The following AFF2 variants were observed in gnomAD, a reference collection of about 807,000 sequenced individuals.
AFF2 encodes ALF transcription elongation factor 2.
AFF2 carries 14 observed loss-of-function variants against 76.9 expected under a neutral mutation model. The ratio of observed to expected loss-of-function variants is 0.18; its 90% CI spans 0.12 to 0.28. The LOEUF is 0.28. Among genes scored for constraint, AFF2 ranks in the 10% least tolerant of loss-of-function variants. The pLI is 1.00. For synonymous variants in AFF2, 398 were observed against 366.7 expected, an observed-to-expected ratio of 1.09 and a Z score of -0.98; for missense variants, 868 against 1,001.1, an observed-to-expected ratio of 0.87 and a Z score of 1.79.
intron 3 of AFF2, among the ~76,000 whole-genome samples, chrX:148,722,523 C>T (rs1396374914): frequency 1.3e-4 from 14 of 110,593 alleles, no homozygotes; most frequent in African/African-American, 4.6e-4. Flanking sequence ...TCACTGTAGG[C>T]TGTCAAGCTG....
chrX:148,853,791 A>C (rs1389287284), intron 7 of AFF2, among the ~76,000 whole-genome samples: 1 of 111,567 alleles, frequency 9.0e-6, no homozygotes, highest in African/African-American at 3.3e-5. Context: ...TATGTGTGCC[A>C]CTCCTCTCCT....
chrX:148,794,741 G>A (rs2069944432), intron 3 of AFF2, among the ~76,000 whole-genome samples: 1 of 111,300 alleles, frequency 9.0e-6, no homozygotes, highest in Admixed American at 9.6e-5. Flanking sequence ...CATATAACAG[G>A]GATAAATAAT....
At chrX:148,555,170 C>T (rs1452204555) in intron 1 of AFF2, among the ~76,000 whole-genome samples, 20 of 111,865 alleles carry the variant, frequency 1.8e-4, no homozygotes, top group Admixed American at 1.5e-3. Context: ...GTCTCCTGGC[C>T]CCTGACACTC....
intron 9 of AFF2, among the ~76,000 whole-genome samples, chrX:148,913,963 T>C (rs2071498905): frequency 8.9e-6 from 1 of 112,601 alleles, no homozygotes; most frequent in Non-Finnish European, 1.9e-5. Flanking sequence ...ATGATGTCCC[T>C]ACTATGTGCC....
intron 3 of AFF2, among the ~76,000 whole-genome samples, chrX:148,773,321 A>G (rs1239931878): frequency 9.0e-6 from 1 of 110,946 alleles, no homozygotes; most frequent in African/African-American, 3.3e-5. Context: ...AGTAATAATT[A>G]GTGCAGGGAG....
chrX:148,619,508 A>AG (rs781999261), intron 1 of AFF2, among the ~76,000 whole-genome samples: 50 of 112,439 alleles, frequency 4.4e-4, no homozygotes, highest in Non-Finnish European at 8.1e-4. Context: ...AAATAGATTG[A>AG]GAAAAAGTGG....
rs1557252125 is a variant in AFF2, at chrX:148,626,459, G to A, written c.48-25540G>A. On this transcript the variant is annotated intron_variant, in intron 1 of 20. Coordinates refer to ENST00000370460, the MANE Select transcript of AFF2 (RefSeq NM_002025.4). ...GATATTAAAGACAAAGAGGTTAGAT[G>A]ATAGGATTTCTGAGATGAAAGGGGG... Among the ~76,000 whole-genome samples the A allele has an allele frequency of 2.7e-5, 3 of 110,852 alleles. No individual in the cohort carries two copies. In the Admixed American group the frequency reaches 2.9e-4, roughly 11 times the overall value.
chrX:148,744,419 C>T (rs189252350), intron 3 of AFF2, among the ~76,000 whole-genome samples: 7 of 112,160 alleles, frequency 6.2e-5, no homozygotes, highest in South Asian at 3.7e-4. Context: ...AATGTCATCA[C>T]GCAGCAATAT....
rs528842253 is a variant in AFF2 at position 148,779,006 on chromosome X, T to G, written c.1042-30870T>G. 6.3e-5 allele frequency among the ~76,000 whole-genome samples: 7 copies of G among 111,656 alleles called. No homozygotes were observed. The South Asian group carries it at 1.9e-3, about 30-fold the overall frequency. ...GTGCTATAAATTTCCCTCTAAACAC[T>G]GCTTTAGCTGTGTCCCAGAGATTCT... On this transcript the variant is annotated intron_variant, in intron 3 of 20. Coordinates refer to ENST00000370460, the MANE Select transcript of AFF2 (RefSeq NM_002025.4).
chrX:148,585,568 G>A (rs921729615), intron 1 of AFF2, among the ~76,000 whole-genome samples: 3 of 111,306 alleles, frequency 2.7e-5, no homozygotes, highest in Admixed American at 9.5e-5. Context: ...GGCCGGGCGC[G>A]GTGGCTCACA....
chrX:148,709,686 T>C (rs1475035968), intron 3 of AFF2, among the ~76,000 whole-genome samples: 1 of 111,996 alleles, frequency 8.9e-6, no homozygotes, highest in Non-Finnish European at 1.9e-5. Context: ...CGCAGGCAAG[T>C]GCACACACAT....
intron 10 of AFF2, among the ~76,000 whole-genome samples, chrX:148,955,378 G>A (rs1230995758): frequency 5.3e-5 from 6 of 112,631 alleles, no homozygotes; most frequent in African/African-American, 6.5e-5. Flanking sequence ...GTCGAAATGA[G>A]CTTAAATAAG....
chrX:148,795,432 G>A (rs1191168275), intron 3 of AFF2, among the ~76,000 whole-genome samples: 1 of 109,953 alleles, frequency 9.1e-6, no homozygotes, highest in South Asian at 3.9e-4. Context: ...ATCCTGATAA[G>A]GTATAATGCT....
At chrX:148,779,683 G>C (rs533212162) in intron 3 of AFF2, among the ~76,000 whole-genome samples, 1 of 111,715 alleles carries the variant, frequency 9.0e-6, no homozygotes, top group South Asian at 3.8e-4. Flanking sequence ...ACACCAATGC[G>C]TCTTGGCTCT....
At chrX:148,789,522 A>G (rs2069864260) in intron 3 of AFF2, among the ~76,000 whole-genome samples, 1 of 111,768 alleles carries the variant, frequency 8.9e-6, no homozygotes, top group Admixed American at 9.5e-5. Flanking sequence ...AGGAGACTTT[A>G]GCCCAGAGAG....
intron 16 of AFF2, among the ~76,000 whole-genome samples, chrX:148,975,943 C>CAAAAAAAAAAAAAA (rs59057839): frequency 0.12 from 2,592 of 22,203 alleles, 458 homozygotes; most frequent in East Asian, 0.25. Context: ...GACTCCGTCT[C>CAAAAAAAAAAAAAA]AAAAAAAAAA....
intron 3 of AFF2, among the ~76,000 whole-genome samples, chrX:148,761,474 T>G (rs781990759): frequency 2.8e-5 from 3 of 108,815 alleles, no homozygotes; most frequent in South Asian, 3.9e-4. Flanking sequence ...TTTGTTTTTT[T>G]TTTTTTTTCA....
chrX:148,597,821 C>T (rs1445232543), intron 1 of AFF2, among the ~76,000 whole-genome samples: 6 of 112,278 alleles, frequency 5.3e-5, no homozygotes, highest in South Asian at 3.7e-4. Flanking sequence ...CATATCCCGC[C>T]GGCGCCTTAT....
chrX:148,927,279 T>C (rs989196232), intron 9 of AFF2, among the ~76,000 whole-genome samples: 1 of 112,216 alleles, frequency 8.9e-6, no homozygotes, highest in Non-Finnish European at 1.9e-5. Flanking sequence ...GAATATGTGT[T>C]GGCAGAAACC....
Sources: allele counts gnomAD v4.1 joint callset (sites outside exome capture counted in the v4.1 genomes callset), GRCh38; gene constraint gnomAD v4.1.1; transcripts MANE v1.5; gene names NCBI Gene and HGNC (gene_info 2026-07-23, HGNC 2026-07-21).